THBS1: variants seen among roughly 807,000 people sequenced by gnomAD.
THBS1 encodes thrombospondin 1.
In THBS1, 29 loss-of-function variants were observed where a neutral mutation model predicts 126.1. The observed-to-expected ratio is 0.23, with a 90% confidence interval of 0.17 to 0.31. The LOEUF (loss-of-function observed/expected upper bound fraction) is 0.31. Ranked by LOEUF, THBS1 falls within the 10% of genes least tolerant of loss-of-function variation. THBS1 has a pLI of 1.00. For missense variants in THBS1, 1,198 were observed against 1,545.2 expected (o/e 0.78, Z 3.77); for synonymous variants, 496 against 577.8 (o/e 0.86, Z 2.03).
chr15:39,591,731 G>C (rs536310969), intron 16 of THBS1, 108 bp downstream of exon 16: 1 of 1,044,880 alleles, frequency 9.6e-7, no homozygotes, highest in Admixed American at 1.8e-5. Context: ...CATTACTGTG[G>C]CTCCCTGGCT....
intron 16 of THBS1, 66 bp downstream of exon 16, chr15:39,591,689 G>C (rs899851479): frequency 1.4e-6 from 2 of 1,435,358 alleles, no homozygotes; most frequent in Admixed American, 1.7e-5. Context: ...CATGGCCTTT[G>C]AAAAATGAGC....
Position 39,585,520 on chromosome 15 carries a change from C to T in THBS1, c.1077C>T (p.Ser359=), listed in dbSNP as rs752228690. ...TGTCCTGCCCCATCATGCCCTGCTCCAATGCCACAGTTCCTGATGGAGAAT... is the reference window on the plus strand; with the variant it reads ...TGTCCTGCCCCATCATGCCCTGCTCTAATGCCACAGTTCCTGATGGAGAAT... ...KKVSCPIMPC[S]NATVPDGECC... The change falls in exon 7 of 22, where the codon TCC becomes TCT. Residue 359 remains serine, a synonymous_variant. Transcript: ENST00000260356. 6.2e-7 allele frequency: 1 copy of T among 1,614,196 alleles called. No homozygotes were observed. Among genetic ancestry groups the T allele is most frequent in the Non-Finnish European group, 8.5e-7 (1 of 1,180,046 alleles).
chr15:39,584,313 A>G lies in THBS1; in HGVS notation c.917A>G (p.Lys306Arg). 6.2e-7 allele frequency: 1 copy of G among 1,614,238 alleles called. No individual in the cohort carries two copies. The highest frequency in any genetic ancestry group is 2.2e-5 in the East Asian group (1 of 44,890). Residue 306 changes from lysine (K) to arginine (R), a missense_variant, in exon 6 of 22, where the codon AAA becomes AGA. This residue lies in a region of THBS1 where 663 missense variants were observed against 860.1 expected (regional missense o/e 0.77). Transcript: ENST00000260356. Reference sequence around the variant, plus strand: ...TCTCCCATTTAGACTGAAGAGAACAAAGAGTTGGCCAATGAGCTGAGGCGG... The same window carrying G: ...TCTCCCATTTAGACTGAAGAGAACAGAGAGTTGGCCAATGAGCTGAGGCGG... ...DSIRKVTEEN[K>R]ELANELRRPP...
chr15:39,592,511 T>C lies in THBS1; in HGVS notation c.2533-57T>C. On this transcript the variant is annotated intron_variant, in intron 16 of 21. Transcript: ENST00000260356. The surrounding 1 kb of genome is among the most constrained non-coding windows in gnomAD (Gnocchi z 4.3). ...TTCCCTGTGGTGGGGGCATAAGTTATCTTTAACATGAATGGTTTATACTGC... is the reference window on the plus strand; with the variant it reads ...TTCCCTGTGGTGGGGGCATAAGTTACCTTTAACATGAATGGTTTATACTGC... 8 of 1,429,790 alleles carry C rather than the reference T, an allele frequency of 5.6e-6. No homozygotes were observed. The highest frequency in any genetic ancestry group is 7.6e-6 in the Non-Finnish European group (8 of 1,048,608). 88.6% of individuals were successfully genotyped at this position (1,429,790 alleles called of 1,614,324 possible).
At position 39,583,637 on chromosome 15, in the gene THBS1, G is replaced by A. The variant is rs756308983; in HGVS notation, c.648G>A (p.Arg216=). The A allele has an allele frequency of 5.0e-6, 8 of 1,613,996 alleles. No individual in the cohort carries two copies. Among genetic ancestry groups the A allele is most frequent in the Non-Finnish European group, 6.8e-6 (8 of 1,179,950 alleles). ...CACAGGGGGTGCTGCAGAATGTGAG[G>A]TTTGTCTTTGGAACCACACCAGAAG... The part of the protein sequence containing the change: ...DNFQGVLQNV[R]FVFGTTPEDI... The change falls in exon 4 of 22, where the codon AGG becomes AGA. Residue 216 remains arginine, a synonymous_variant. Transcript: ENST00000260356.
intron 16 of THBS1, 140 bp downstream of exon 16, chr15:39,591,763 G>A (rs898289979): frequency 1.3e-6 from 1 of 770,224 alleles, no homozygotes; most frequent in Middle Eastern, 2.4e-4. Flanking sequence ...ACTGGAATAC[G>A]TTCATGTAAA....
chr15:39,583,561 A>AC (rs2140343409), intron 3 of THBS1, 56 bp from the exon 4 acceptor site: 65 of 1,162,286 alleles, frequency 5.6e-5, no homozygotes, highest in Middle Eastern at 2.8e-4. Context: ...GTCTCCCCCA[A>AC]CCCCATCCCC....
In THBS1 at chr15:39,587,353, ACT is replaced by A; in HGVS notation, c.1130_1131del (p.Ser377CysfsTer31). ...ACCTCTGTTTCCCCTGCAGCCAGCG[ACT>A]CTGCGGACGATGGCTGGTCTCCATG... On this transcript the variant is annotated frameshift_variant, in exon 8 of 22. Transcript: ENST00000260356. LOFTEE classifies it high-confidence loss of function. 6.2e-7 allele frequency: 1 copy of A among 1,611,984 alleles called. No homozygotes were observed.
intron 13 of THBS1, 64 bp from the exon 14 acceptor site, chr15:39,590,452 C>A: frequency 7.7e-7 from 1 of 1,301,066 alleles, no homozygotes; most frequent in Non-Finnish European, 1.1e-6. Context: ...GGTACACTCC[C>A]TCGTGCATGA....
In THBS1 at chr15:39,589,884, A is replaced by G. The variant is rs1280302983; in HGVS notation, c.2006A>G (p.Tyr669Cys). ...GCCAAGTGCAACTACCTGGGCCACT[A>G]TAGCGACCCCATGTACCGCTGCGAG... is the stretch of plus-strand genomic sequence containing the variant. ...KNAKCNYLGH[Y>C]SDPMYRCECK... The change falls in exon 13 of 22, where the codon TAT becomes TGT. Residue 669 changes from tyrosine to cysteine, a missense_variant. Coordinates refer to ENST00000260356, the MANE Select transcript of THBS1 (RefSeq NM_003246.4). This position sits in a 1 kb window ranked among gnomAD's most constrained non-coding sequence, Gnocchi z 4.7. The G allele has an allele frequency of 1.2e-6, 2 of 1,614,100 alleles. No individual in the cohort carries two copies. Among genetic ancestry groups the G allele is most frequent in the Non-Finnish European group, 1.7e-6 (2 of 1,180,046 alleles).
chr15:39,590,482 A>G, intron 13 of THBS1, 34 bp from the exon 14 acceptor site: 2 of 1,541,490 alleles, frequency 1.3e-6, no homozygotes, highest in South Asian at 1.2e-5. Context: ...GAGGAAGGCA[A>G]CTGAAGCAGT....
chr15:39,587,633 C>T, intron 8 of THBS1, 113 bp downstream of exon 8: 1 of 1,125,538 alleles, frequency 8.9e-7, no homozygotes, highest in South Asian at 1.6e-5. Flanking sequence ...ATCTCTGGAT[C>T]CCAATCCCAC....
intron 14 of THBS1, 50 bp from the exon 15 acceptor site, chr15:39,591,141 G>A: frequency 6.3e-7 from 1 of 1,591,088 alleles, no homozygotes; most frequent in Non-Finnish European, 8.6e-7. Context: ...TGAGGCTTGA[G>A]CTGTTTTCAA....
chr15:39,587,761 G>T (rs8029417), intron 8 of THBS1, among the ~76,000 whole-genome samples: 3,661 of 152,300 alleles, frequency 0.024, 135 homozygotes, highest in African/African-American at 0.084. Context: ...TTTAGATACT[G>T]CATGTAAAGC....
chr15:39,588,379 A>T, intron 9 of THBS1, 147 bp from the exon 10 acceptor site: 1 of 1,300,904 alleles, frequency 7.7e-7, no homozygotes, highest in Non-Finnish European at 1.0e-6. Context: ...AACTTCTTTT[A>T]ATGAAAAACA....
rs778849526 is a variant in THBS1, at chr15:39,588,858, C to T, written c.1646-101C>T. 6 of 1,604,832 alleles carry T rather than the reference C, an allele frequency of 3.7e-6. No individual in the cohort carries two copies. The African/African-American group carries it at 8.0e-5, about 21-fold the overall frequency. Reference sequence around the variant, plus strand: ...ATAATCCCAACAAGTTATCGGTTCCCTATACCCTATAATATCTTACACTGT... The same window carrying T: ...ATAATCCCAACAAGTTATCGGTTCCTTATACCCTATAATATCTTACACTGT... On this transcript the variant is annotated intron_variant, in intron 10 of 21. Transcript: ENST00000260356.
Position 39,594,548 on chromosome 15 carries a change from GT to G in THBS1, c.3505+110del, listed in dbSNP as rs1028005656. ...GTGTAAAGACTGTTTTGGAGACAGG[GT>G]TATTTCTATTTTGCTTTTGAGGACA... On this transcript the variant is annotated intron_variant, in intron 21 of 21. Coordinates refer to ENST00000260356, the MANE Select transcript of THBS1 (RefSeq NM_003246.4). This position sits in a 1 kb window ranked among gnomAD's most constrained non-coding sequence, Gnocchi z 4.4. The G allele has an allele frequency of 2.1e-5, 30 of 1,462,334 alleles. No individual in the cohort carries two copies. The highest frequency in any genetic ancestry group is 2.7e-5 in the Non-Finnish European group (30 of 1,092,354). The allele number at this position is 1,462,334 out of a possible 1,614,324, so 90.6% of individuals were successfully genotyped here. A position where few individuals can be genotyped will look rare whatever the true frequency, so the allele number is the denominator to read the frequency against.
chr15:39,582,169 T>A, intron 2 of THBS1, 24 bp from the exon 3 acceptor site: 2 of 1,563,778 alleles, frequency 1.3e-6, no homozygotes, highest in Non-Finnish European at 1.7e-6. Context: ...GAAAGCTCAC[T>A]TTGTGTTCTC....
chr15:39,592,616 G>C lies in THBS1; in HGVS notation c.2581G>C (p.Asp861His), dbSNP rs1299356184. 6.2e-7 allele frequency: 1 copy of C among 1,614,034 alleles called. No homozygotes were observed. The highest frequency in any genetic ancestry group is 8.5e-7 in the Non-Finnish European group (1 of 1,180,000). The change falls in exon 17 of 22, where the codon GAT becomes CAT. Residue 861 changes from aspartate to histidine, a missense_variant. Asp to His is a moderately conservative substitution (Grantham distance 81). Coordinates refer to ENST00000260356, the MANE Select transcript of THBS1 (RefSeq NM_003246.4). The surrounding 1 kb of genome is among the most constrained non-coding windows in gnomAD (Gnocchi z 4.3). ...TGGAGATACCTGTGACAACAATCAG[G>C]ATATTGATGAAGATGGCCACCAGAA... is the stretch of plus-strand genomic sequence containing the variant. ...RIGDTCDNNQ[D>H]IDEDGHQNNL...
Sources: allele counts gnomAD v4.1 joint callset (sites outside exome capture counted in the v4.1 genomes callset), GRCh38; gene constraint gnomAD v4.1.1; regional missense constraint gnomAD v4.1.1; non-coding constraint Gnocchi (gnomAD v3.1); transcripts MANE v1.5; gene names NCBI Gene and HGNC (gene_info 2026-07-23, HGNC 2026-07-21).